Variants in WIF1 observed in about 807,000 individuals in gnomAD.
The protein encoded by WIF1 is Wnt inhibitory factor 1.
A neutral mutation model predicts 53.5 loss-of-function variants in WIF1; 35 were observed. The observed-to-expected ratio is 0.65, with a 90% CI of 0.50 to 0.87. WIF1 has a LOEUF of 0.87. Among genes scored for constraint, WIF1 ranks in the 40% least tolerant of loss-of-function variants. The pLI is 0.00. For synonymous variants in WIF1, 171 were observed against 170.4 expected (o/e 1.00, Z -0.03); for missense variants, 467 against 476.8 (o/e 0.98, Z 0.19).
intron 2 of WIF1, among the ~76,000 whole-genome samples, chr12:65,103,377 A>T (rs1005320833): frequency 6.6e-6 from 1 of 152,230 alleles, no homozygotes; most frequent in African/African-American, 2.4e-5. Context: ...AGAATAATAG[A>T]ACAATGTCTT....
Position 65,055,158 on chromosome 12 carries a change from G to A in WIF1, c.978C>T (p.Cys326=). ...AHGTCHEPNK[C]QCQEGWHGRH... ...TTCCATGCCAACCTTCTTGACATTG[G>A]CATTTGTTGGGTTCATGGCAGGTTC... is the stretch of plus-strand genomic sequence containing the variant. The change falls in exon 9 of 10, where the codon TGC becomes TGT. Residue 326 remains cysteine (C), a synonymous_variant. Coordinates refer to ENST00000286574, the MANE Select transcript of WIF1 (RefSeq NM_007191.5). 2 of 1,613,912 alleles carry A rather than the reference G, an allele frequency of 1.2e-6. No homozygotes were observed. The highest frequency in any genetic ancestry group is 2.2e-5 in the South Asian group (2 of 91,052).
intron 2 of WIF1, among the ~76,000 whole-genome samples, chr12:65,099,226 A>G (rs1270607520): frequency 1.3e-5 from 2 of 152,180 alleles, no homozygotes; most frequent in Non-Finnish European, 2.9e-5. Flanking sequence ...CTTTGCCTTT[A>G]TCAATTCCTG....
chr12:65,088,412 T>C (rs1471550283), intron 2 of WIF1, among the ~76,000 whole-genome samples: 1 of 152,154 alleles, frequency 6.6e-6, no homozygotes, highest in Non-Finnish European at 1.5e-5. Flanking sequence ...GGCCCCATCA[T>C]TTATGCCATC....
At chr12:65,053,236 T>A (rs1210737304) in intron 9 of WIF1, among the ~76,000 whole-genome samples, 1 of 152,170 alleles carries the variant, frequency 6.6e-6, no homozygotes, top group East Asian at 1.9e-4. Context: ...GCTTATTAAA[T>A]TGTGTCCACC....
At chr12:65,089,403 C>T (rs1041829395) in intron 2 of WIF1, among the ~76,000 whole-genome samples, 2 of 152,078 alleles carry the variant, frequency 1.3e-5, no homozygotes, top group African/African-American at 4.8e-5. Flanking sequence ...CCTAACCTAC[C>T]TCCCTGGTAA....
chr12:65,097,341 T>G (rs1249495375), intron 2 of WIF1, among the ~76,000 whole-genome samples: 1 of 152,128 alleles, frequency 6.6e-6, no homozygotes, highest in Admixed American at 6.6e-5. Flanking sequence ...AATAGAGATA[T>G]CTACCTCCAT....
intron 7 of WIF1, among the ~76,000 whole-genome samples, chr12:65,058,908 C>T (rs1012208005): frequency 1.2e-4 from 18 of 152,052 alleles, no homozygotes; most frequent in African/African-American, 4.3e-4. Context: ...AAAAATTAGC[C>T]AAGTGTGATG....
chr12:65,077,899 G>T, intron 2 of WIF1, 45 bp from the exon 3 acceptor site: 1 of 1,442,582 alleles, frequency 6.9e-7, no homozygotes, highest in Non-Finnish European at 9.7e-7. Flanking sequence ...AAACCAGAGA[G>T]GGAGAAGGCA....
At chr12:65,087,793 G>C (rs1455297259) in intron 2 of WIF1, among the ~76,000 whole-genome samples, 1 of 151,872 alleles carries the variant, frequency 6.6e-6, no homozygotes, top group African/African-American at 2.4e-5. Flanking sequence ...CTTCTAATGA[G>C]CAGTTTGTTC....
chr12:65,088,859 A>G (rs1184040365), intron 2 of WIF1, among the ~76,000 whole-genome samples: 1 of 152,082 alleles, frequency 6.6e-6, no homozygotes, highest in African/African-American at 2.4e-5. Context: ...CGATGTTCAT[A>G]TGCATATGAA....
intron 7 of WIF1, among the ~76,000 whole-genome samples, chr12:65,059,484 G>T (rs1254616239): frequency 6.6e-6 from 1 of 152,100 alleles, no homozygotes; most frequent in African/African-American, 2.4e-5. Context: ...AATTTGGGTA[G>T]TCTTTTTAAC....
chr12:65,051,280 A>C lies in WIF1; in HGVS notation c.*69T>G, dbSNP rs1255970620. 2.0e-6 allele frequency: 3 copies of C among 1,536,178 alleles called. No homozygotes were observed. The Admixed American group carries it at 6.1e-5, about 31-fold the overall frequency. On this transcript the variant is annotated 3_prime_UTR_variant, in exon 10 of 10. Coordinates refer to ENST00000286574, the MANE Select transcript of WIF1 (RefSeq NM_007191.5). ...TAAGTGTAATGAACATTATTTGAACATTCAACACATGAAAGGTTAACAAAG... is the reference window on the plus strand; with the variant it reads ...TAAGTGTAATGAACATTATTTGAACCTTCAACACATGAAAGGTTAACAAAG...
chr12:65,101,382 A>C (rs1883280460), intron 2 of WIF1, among the ~76,000 whole-genome samples: 1 of 152,172 alleles, frequency 6.6e-6, no homozygotes, highest in Non-Finnish European at 1.5e-5. Flanking sequence ...TTACAGGATA[A>C]ATATTAGTAA....
At chr12:65,106,472 T>A (rs2136292414) in intron 2 of WIF1, among the ~76,000 whole-genome samples, 1 of 152,076 alleles carries the variant, frequency 6.6e-6, no homozygotes, top group South Asian at 2.1e-4. Flanking sequence ...CAAGTGATTA[T>A]CCTGCCTCAG....
chr12:65,097,126 A>G (rs1883217042), intron 2 of WIF1, among the ~76,000 whole-genome samples: 1 of 151,952 alleles, frequency 6.6e-6, no homozygotes, highest in Admixed American at 6.6e-5. Context: ...ATGGAAACTA[A>G]GAGCTCTGAA....
At chr12:65,101,803 G>C (rs540123159) in intron 2 of WIF1, among the ~76,000 whole-genome samples, 2 of 152,292 alleles carry the variant, frequency 1.3e-5, no homozygotes, top group Non-Finnish European at 2.9e-5. Flanking sequence ...CTGGGAGACA[G>C]GTCTCCTGAG....
In WIF1 at chr12:65,077,765, T is replaced by A. The variant is rs1265970994; in HGVS notation, c.378A>T (p.Thr126=). Residue 126 remains threonine (T), a synonymous_variant, in exon 3 of 10, where the codon ACA becomes ACT. Transcript: ENST00000286574. ...ACCCACCTGATGCCTTGTGAGGCAC[T>A]GTTCCCAGCAGAGGGACATTGACGG... ...DPTVNVPLLG[T]VPHKASVVQV... 3 of 1,613,608 alleles carry A rather than the reference T, an allele frequency of 1.9e-6. No individual in the cohort carries two copies. Among genetic ancestry groups the A allele is most frequent in the African/African-American group, 2.7e-5 (2 of 74,906 alleles).
At chr12:65,072,204 C>T (rs1882794856) in intron 3 of WIF1, among the ~76,000 whole-genome samples, 1 of 152,136 alleles carries the variant, frequency 6.6e-6, no homozygotes, top group Admixed American at 6.6e-5. Flanking sequence ...CTCAGTTCCC[C>T]AAATGTGTGG....
At position 65,067,908 on chromosome 12, in the gene WIF1, G is replaced by A. The variant is rs995093749; in HGVS notation, c.539-118C>T. ...TCTAGCCCACCAATTAATCATAATT[G>A]ATCAAATACCAGTACTTCCAACTCA... On this transcript the variant is annotated intron_variant, in intron 4 of 9. Transcript: ENST00000286574. 1.5e-5 allele frequency: 12 copies of A among 778,696 alleles called. No homozygotes were observed. In the African/African-American group the frequency reaches 1.8e-4, roughly 12 times the overall value. 48.2% of individuals were successfully genotyped at this position (778,696 alleles called of 1,614,324 possible). A position where few individuals can be genotyped will look rare whatever the true frequency, so the allele number is the denominator to read the frequency against.
Sources: allele counts gnomAD v4.1 joint callset (sites outside exome capture counted in the v4.1 genomes callset), GRCh38; gene constraint gnomAD v4.1.1; transcripts MANE v1.5; gene names NCBI Gene and HGNC (gene_info 2026-07-23, HGNC 2026-07-21).